The following TAF12 variants were observed in gnomAD, a reference collection of about 807,000 sequenced individuals.
TAF12 encodes TATA-box binding protein associated factor 12, also known as transcription initiation factor TFIID subunit 12.
A neutral mutation model predicts 20.8 loss-of-function variants in TAF12; 3 were observed. That is an observed-to-expected ratio of 0.14 (90% CI 0.07 to 0.37). The LOEUF is 0.37. Ranked by LOEUF, TAF12 falls within the 10% of genes least tolerant of loss-of-function variation. TAF12 has a pLI of 1.00. For missense variants in TAF12, 131 were observed against 197.9 expected (o/e 0.66, Z 2.03); for synonymous variants, 69 against 70.2 (o/e 0.98, Z 0.09).
intron 5 of TAF12, among the ~76,000 whole-genome samples, chr1:28,603,793 C>G (rs1666579049): frequency 6.6e-6 from 1 of 152,180 alleles, no homozygotes; most frequent in Non-Finnish European, 1.5e-5. Context: ...ATTTCATCCA[C>G]CAAACTGCTC....
intron 1 of TAF12, among the ~76,000 whole-genome samples, chr1:28,639,740 G>A (rs921887505): frequency 6.6e-6 from 1 of 151,992 alleles, no homozygotes; most frequent in Admixed American, 6.6e-5. Flanking sequence ...GGCTAACCCT[G>A]GGGAAAAAAT....
At chr1:28,610,654 C>T (rs1666823203) in intron 4 of TAF12, among the ~76,000 whole-genome samples, 1 of 151,378 alleles carries the variant, frequency 6.6e-6, no homozygotes, top group Middle Eastern at 3.4e-3. Context: ...AATTCCTTTA[C>T]CCTCCTGCTA....
chr1:28,607,931 G>A (rs992532969), intron 4 of TAF12, among the ~76,000 whole-genome samples: 9 of 152,044 alleles, frequency 5.9e-5, no homozygotes, highest in Non-Finnish European at 1.3e-4. Flanking sequence ...GAGGCCAAGA[G>A]TTCAAGATCA....
At chr1:28,616,395 CAAA>C (rs534264411) in intron 3 of TAF12, among the ~76,000 whole-genome samples, 7 of 73,194 alleles carry the variant, frequency 9.6e-5, no homozygotes, top group Admixed American at 1.6e-4. Flanking sequence ...GATTCTGTCT[CAAA>C]AAAAAAAAAA....
At chr1:28,611,039 C>G (rs1666843520) in intron 4 of TAF12, among the ~76,000 whole-genome samples, 1 of 150,642 alleles carries the variant, frequency 6.6e-6, no homozygotes, top group Non-Finnish European at 1.5e-5. Context: ...CTGACTGCCT[C>G]AAAGAATAGA....
intron 1 of TAF12, among the ~76,000 whole-genome samples, chr1:28,640,977 G>A (rs1307772635): frequency 6.6e-6 from 1 of 152,122 alleles, no homozygotes; most frequent in African/African-American, 2.4e-5. Context: ...GCTGAGGCAG[G>A]AGGAGTGCTT....
intron 1 of TAF12, among the ~76,000 whole-genome samples, chr1:28,636,999 T>C (rs1027537005): frequency 1.2e-5 from 1 of 80,732 alleles, no homozygotes; most frequent in African/African-American, 5.0e-5. Flanking sequence ...AATACCAGTG[T>C]TTCATTTCAC....
chr1:28,646,105 T>TAA (rs538316397), upstream of TAF12: 7 of 128,956 alleles, frequency 5.4e-5, no homozygotes, highest in Non-Finnish European at 1.0e-4. Context: ...ACACTGTCTC[T>TAA]AAAAAAAAAA....
At chr1:28,634,493 C>T (rs1404595899) in intron 1 of TAF12, among the ~76,000 whole-genome samples, 1 of 150,776 alleles carries the variant, frequency 6.6e-6, no homozygotes, top group South Asian at 2.1e-4. Flanking sequence ...TAATAATTAA[C>T]CCTTACTATT....
intron 4 of TAF12, among the ~76,000 whole-genome samples, chr1:28,607,889 C>T (rs985685764): frequency 2.6e-5 from 4 of 152,000 alleles, no homozygotes; most frequent in African/African-American, 9.7e-5. Flanking sequence ...GTAATCCCAC[C>T]ACTTTGGGAG....
intron 1 of TAF12, among the ~76,000 whole-genome samples, chr1:28,640,595 T>A (rs1408546788): frequency 1.3e-5 from 2 of 152,204 alleles, no homozygotes; most frequent in African/African-American, 4.8e-5. Flanking sequence ...GTGCATAAGC[T>A]GTGCCTCGTT....
intron 3 of TAF12, among the ~76,000 whole-genome samples, chr1:28,615,259 C>G (rs951425962): frequency 6.6e-6 from 1 of 152,036 alleles, no homozygotes; most frequent in Non-Finnish European, 1.5e-5. Flanking sequence ...TCTGGTGGAC[C>G]ATTAACTCAT....
intron 2 of TAF12, among the ~76,000 whole-genome samples, chr1:28,619,406 G>A (rs1343200597): frequency 6.7e-6 from 1 of 149,738 alleles, no homozygotes; most frequent in Non-Finnish European, 1.5e-5. Flanking sequence ...GCTGAGGCAG[G>A]AGAATGGCGT....
intron 1 of TAF12, among the ~76,000 whole-genome samples, chr1:28,626,377 C>G (rs560112973): frequency 6.6e-6 from 1 of 151,576 alleles, no homozygotes; most frequent in Non-Finnish European, 1.5e-5. Flanking sequence ...GTCAGGAGTT[C>G]GAGACCAGCC....
At position 28,622,018 on chromosome 1, in the gene TAF12, G is replaced by T. The variant is rs1483775519; in HGVS notation, c.64C>A (p.Pro22Thr). 6.2e-7 allele frequency: 1 copy of T among 1,614,032 alleles called. No homozygotes were observed. The highest frequency in any genetic ancestry group is 1.1e-5 in the South Asian group (1 of 91,066). Residue 22 changes from proline (P) to threonine (T), a missense_variant, in exon 2 of 6, where the codon CCA becomes ACA. This residue lies in a region of TAF12 where 63 missense variants were observed against 72.1 expected (regional missense o/e 0.87). Coordinates refer to ENST00000373824, the MANE Select transcript of TAF12 (RefSeq NM_005644.4). ...GAGCCTTGTGGAGGGGTGCTGGCTG[G>T]TTCCGGTTTTATGGATGAGAAATTG... ...LSNFSSIKPE[P>T]ASTPPQGSMA...
rs12566088 is a variant in TAF12, at chr1:28,610,972, A to C, written c.361+2275T>G. On this transcript the variant is annotated intron_variant, in intron 4 of 5. Transcript: ENST00000373824. Reference sequence around the variant, plus strand: ...GAGACTGTCTCAAAAAAAAAAAAAAAAAAAAAAAAAACACAGGTGGAGTCT... The same window carrying C: ...GAGACTGTCTCAAAAAAAAAAAAAACAAAAAAAAAAACACAGGTGGAGTCT... 8.4e-4 allele frequency among the ~76,000 whole-genome samples: 78 copies of C among 92,972 alleles called. 1 individual carries two copies. In the East Asian group the frequency reaches 0.016, roughly 19 times the overall value. 61.0% of individuals were successfully genotyped at this position (92,972 alleles called of 152,430 possible).
At chr1:28,642,059 T>C (rs1365571178) in intron 1 of TAF12, among the ~76,000 whole-genome samples, 1 of 152,162 alleles carries the variant, frequency 6.6e-6, no homozygotes, top group Non-Finnish European at 1.5e-5. Flanking sequence ...GATGCAGAGA[T>C]CTGTGCTCAT....
At chr1:28,648,220 G>A (rs1360916917) in exon 1 of TAF12, 1 of 985,170 alleles carries the variant, frequency 1.0e-6, no homozygotes, top group Non-Finnish European at 1.2e-6. Context: ...CTGAGAGCCG[G>A]TATTCCAACG....
chr1:28,606,993 A>G (rs1312886346), intron 4 of TAF12, among the ~76,000 whole-genome samples: 1 of 152,230 alleles, frequency 6.6e-6, no homozygotes, highest in Non-Finnish European at 1.5e-5. Context: ...CCACAGTTCC[A>G]TGACCTGGTG....
Sources: gnomAD v4.1 joint callset for allele counts (sites outside exome capture counted in the v4.1 genomes callset) on GRCh38, gnomAD v4.1.1 for gene constraint, gnomAD v4.1.1 regional missense constraint, MANE v1.5 for transcripts, NCBI Gene and HGNC (gene_info 2026-07-23, HGNC 2026-07-21) for gene names.